Variants in TENM2 observed in about 807,000 individuals in gnomAD.
TENM2 encodes the protein teneurin transmembrane protein 2, also known as teneurin-2.
A neutral mutation model predicts 245.2 loss-of-function variants in TENM2; 52 were observed. The ratio of observed to expected loss-of-function variants is 0.21; its 90% CI spans 0.17 to 0.27. The LOEUF (loss-of-function observed/expected upper bound fraction) is 0.27. TENM2 is among the 10% of genes least tolerant of loss of function. The pLI, the probability that TENM2 is intolerant of heterozygous loss-of-function variation, is 1.00. For synonymous variants in TENM2, 1,363 were observed against 1,438.9 expected, an observed-to-expected ratio of 0.95 and a Z score of 1.19; for missense variants, 3,046 against 3,666.8, an observed-to-expected ratio of 0.83 and a Z score of 4.37.
the TENM2 span, among the ~76,000 whole-genome samples, chr5:167,241,848 G>A: frequency 6.6e-6 from 1 of 152,246 alleles, no homozygotes; most frequent in Admixed American, 6.5e-5. Context: ...TCTCTGAAGT[G>A]TAATAGAGTA....
chr5:167,389,124 C>G (rs541419095), intron 2 of TENM2, among the ~76,000 whole-genome samples: 3 of 151,786 alleles, frequency 2.0e-5, no homozygotes, highest in Non-Finnish European at 4.4e-5. Flanking sequence ...ATTGTTAAAT[C>G]TTTATGCTGC....
chr5:167,948,070 A>G (rs1253957670), intron 3 of TENM2, among the ~76,000 whole-genome samples: 3 of 152,182 alleles, frequency 2.0e-5, no homozygotes, highest in Admixed American at 2.0e-4. Context: ...TCGATTATTA[A>G]CAATTTCTTC....
chr5:166,980,070 A>G, the TENM2 span, among the ~76,000 whole-genome samples: 2 of 152,230 alleles, frequency 1.3e-5, no homozygotes, highest in African/African-American at 4.8e-5. Flanking sequence ...TTCTTTAAAA[A>G]TGCCGTTTTG....
chr5:168,038,294 A>T (rs1348011968), intron 5 of TENM2, among the ~76,000 whole-genome samples: 1 of 152,216 alleles, frequency 6.6e-6, no homozygotes, highest in Non-Finnish European at 1.5e-5. Context: ...CCCAAGACCC[A>T]GCAGGAGGTG....
rs545998731 is a variant in TENM2, at chr5:168,255,055, A to AAAAG, written c.7433-5212_7433-5209dup. On this transcript the variant is annotated intron_variant, in intron 27 of 28. Coordinates refer to ENST00000518659, the Ensembl canonical transcript of TENM2. Reference sequence around the variant, plus strand: ...GAGCAAGACGCTGTCTCAAAAAAAAAAAAGAAAGAAAGAAAGAAAAGAAAA... The same window carrying AAAAG: ...GAGCAAGACGCTGTCTCAAAAAAAAAAAAGAAAGAAAGAAAGAAAGAAAAGAAAA... 1.1e-3 allele frequency among the ~76,000 whole-genome samples: 165 copies of AAAAG among 152,050 alleles called. 1 individual carries two copies. The highest frequency in any genetic ancestry group is 3.7e-3 in the African/African-American group (153 of 41,504).
intron 3 of TENM2, among the ~76,000 whole-genome samples, chr5:167,876,932 G>A (rs900274094): frequency 1.3e-5 from 2 of 152,120 alleles, no homozygotes; most frequent in Non-Finnish European, 2.9e-5. Flanking sequence ...CCCAATCTCT[G>A]AATCTTGGGT....
At chr5:167,110,367 A>G in the TENM2 span, among the ~76,000 whole-genome samples, 140 of 152,328 alleles carry the variant, frequency 9.2e-4, no homozygotes, top group African/African-American at 3.3e-3. Flanking sequence ...TGTCAGAGAT[A>G]AAAAGGACAA....
chr5:168,243,629 G>T (rs943033705), intron 25 of TENM2, among the ~76,000 whole-genome samples: 5 of 152,166 alleles, frequency 3.3e-5, no homozygotes, highest in Non-Finnish European at 5.9e-5. Flanking sequence ...CTCAGCTAAT[G>T]ATGTGCCAAA....
At chr5:167,713,489 C>A (rs922504495) in intron 2 of TENM2, among the ~76,000 whole-genome samples, 1 of 152,036 alleles carries the variant, frequency 6.6e-6, no homozygotes, top group Non-Finnish European at 1.5e-5. Context: ...ATACAATGCA[C>A]ACACACAAAC....
chr5:167,024,524 C>G, the TENM2 span, among the ~76,000 whole-genome samples: 3 of 152,058 alleles, frequency 2.0e-5, no homozygotes, highest in Admixed American at 2.0e-4. Flanking sequence ...CACCAAGGGT[C>G]AGGGCTGGGA....
the TENM2 span, among the ~76,000 whole-genome samples, chr5:167,228,893 C>T: frequency 2.8e-4 from 42 of 152,088 alleles, no homozygotes; most frequent in East Asian, 9.7e-4. Flanking sequence ...TTAGTAGAGA[C>T]GGGGTTTCAA....
At chr5:167,190,259 A>G in the TENM2 span, among the ~76,000 whole-genome samples, 2 of 152,108 alleles carry the variant, frequency 1.3e-5, no homozygotes, top group African/African-American at 4.8e-5. Flanking sequence ...TTTTTAAGAT[A>G]TGGCAGGGGA....
the TENM2 span, among the ~76,000 whole-genome samples, chr5:167,072,565 G>T: frequency 3.3e-5 from 5 of 152,182 alleles, no homozygotes; most frequent in Non-Finnish European, 7.3e-5. Context: ...GGAGTTTTAC[G>T]TGCCGGGCAC....
intron 2 of TENM2, among the ~76,000 whole-genome samples, chr5:167,626,142 G>A (rs1039284429): frequency 6.6e-6 from 1 of 152,066 alleles, no homozygotes; most frequent in East Asian, 1.9e-4. Flanking sequence ...AAGAATTTGT[G>A]AGCATATTTA....
intron 2 of TENM2, among the ~76,000 whole-genome samples, chr5:167,545,241 G>A (rs1293068834): frequency 3.3e-5 from 5 of 152,090 alleles, no homozygotes; most frequent in Non-Finnish European, 5.9e-5. Flanking sequence ...AAGCTTACAC[G>A]AGGTGACATA....
chr5:168,084,764 C>G (rs952190684), intron 7 of TENM2, among the ~76,000 whole-genome samples: 5 of 152,154 alleles, frequency 3.3e-5, no homozygotes, highest in African/African-American at 1.2e-4. Context: ...ACTTACAGAC[C>G]AAGTACAGCC....
chr5:167,157,675 A>G, the TENM2 span, among the ~76,000 whole-genome samples: 2 of 152,218 alleles, frequency 1.3e-5, no homozygotes, highest in Admixed American at 1.3e-4. Flanking sequence ...AAGCCCATCA[A>G]CTACATGGTA....
At chr5:168,109,711 G>C (rs10043220) in intron 9 of TENM2, among the ~76,000 whole-genome samples, 32,829 of 152,176 alleles carry the variant, frequency 0.22, 3,779 homozygotes, top group Non-Finnish European at 0.24. Context: ...TGACTCCCAT[G>C]CACATTCAAG....
the TENM2 span, among the ~76,000 whole-genome samples, chr5:167,126,555 T>A: frequency 2.0e-5 from 3 of 152,178 alleles, no homozygotes; most frequent in African/African-American, 7.2e-5. Flanking sequence ...CATGGAAGAA[T>A]TATAAATGAG....
Sources: gnomAD v4.1 joint callset for allele counts (sites outside exome capture counted in the v4.1 genomes callset) on GRCh38, gnomAD v4.1.1 for gene constraint, MANE v1.5 for transcripts, NCBI Gene and HGNC (gene_info 2026-07-23, HGNC 2026-07-21) for gene names.